The following ACP2 variants were observed in gnomAD, a reference collection of about 807,000 sequenced individuals.
ACP2 encodes the protein lysosomal acid phosphatase.
A neutral mutation model predicts 54.7 loss-of-function variants in ACP2; 35 were observed. That is an observed-to-expected ratio of 0.64 (90% CI 0.49 to 0.85). The LOEUF is 0.85. Ranked by LOEUF, ACP2 falls within the 40% of genes least tolerant of loss-of-function variation. The pLI is 0.00. For missense variants in ACP2, 492 were observed against 565.0 expected (o/e 0.87, Z 1.31); for synonymous variants, 210 against 224.4 (o/e 0.94, Z 0.57).
intron 10 of ACP2, among the ~76,000 whole-genome samples, chr11:47,240,636 G>A (rs1042430992): frequency 6.6e-6 from 1 of 152,034 alleles, no homozygotes; most frequent in Non-Finnish European, 1.5e-5. Context: ...CCTGGCCAAC[G>A]TGGTGAAATG....
intron 2 of ACP2, 30 bp from the exon 3 acceptor site, chr11:47,247,757 C>G: frequency 1.2e-6 from 2 of 1,606,996 alleles, no homozygotes; most frequent in South Asian, 2.2e-5. Flanking sequence ...TTAAGAGGGT[C>G]TAGAGGGAAG....
chr11:47,248,451 A>G (rs899261911), intron 1 of ACP2: 1 of 1,544,506 alleles, frequency 6.5e-7, no homozygotes, highest in Non-Finnish European at 8.7e-7. Flanking sequence ...AGTCTTAACC[A>G]TTCAACCACT....
intron 4 of ACP2, 50 bp downstream of exon 4, chr11:47,245,632 C>A (rs768842094): frequency 1.2e-6 from 2 of 1,613,984 alleles, no homozygotes; most frequent in South Asian, 2.2e-5. Context: ...AGCAGGCCTA[C>A]GGCCAGAGCT....
rs192977216 is a variant in ACP2, at chr11:47,239,890, G to A, written c.*226C>T. 3.0e-3 allele frequency: 1,623 copies of A among 535,594 alleles called. 11 individuals carry two copies. Among genetic ancestry groups the A allele is most frequent in the Non-Finnish European group, 3.6e-3 (1,075 of 301,714 alleles). The allele number at this position is 535,594 out of a possible 1,614,324, so 33.2% of individuals were successfully genotyped here. On this transcript the variant is annotated 3_prime_UTR_variant, in exon 11 of 11. Transcript: ENST00000672073. ...AGCGTGGAGGAGGCAAATCCTGTTTGGAGAAAGCCAGTGTCCAACACAGCA... is the reference window on the plus strand; with the variant it reads ...AGCGTGGAGGAGGCAAATCCTGTTTAGAGAAAGCCAGTGTCCAACACAGCA...
chr11:47,246,215 G>A (rs963584415), intron 3 of ACP2, among the ~76,000 whole-genome samples: 3 of 152,106 alleles, frequency 2.0e-5, no homozygotes, highest in Non-Finnish European at 2.9e-5. Context: ...CTCTCTCCCT[G>A]TCTAGATCAG....
intron 7 of ACP2, among the ~76,000 whole-genome samples, chr11:47,244,301 G>A (rs1266137626): frequency 6.6e-6 from 1 of 152,130 alleles, no homozygotes; most frequent in East Asian, 1.9e-4. Flanking sequence ...TGGTGGCTGA[G>A]GTCAGGAGTT....
chr11:47,247,540 G>A, intron 3 of ACP2, 101 bp downstream of exon 3: 1 of 1,347,732 alleles, frequency 7.4e-7, no homozygotes, highest in Non-Finnish European at 1.1e-6. Context: ...AAAAATACAA[G>A]AAGGAGGCCA....
At chr11:47,245,274 A>G (rs1954024095) in intron 6 of ACP2, 31 bp downstream of exon 6, 1 of 1,607,638 alleles carries the variant, frequency 6.2e-7, no homozygotes, top group Non-Finnish European at 8.5e-7. Flanking sequence ...AGGGAAAAGA[A>G]TGATCACAGT....
Position 47,244,867 on chromosome 11 carries a change from G to GCTGTGTATC in ACP2, c.640-9_640-1dup (p.Glu213_Gln214insAspThrGln). On this transcript the variant is annotated inframe_insertion and splice_region_variant. Transcript: ENST00000672073. ...GGCGGCAGGCGCAGCCCGTGCGTTT[G>GCTGTGTATC]CTGTGTATCGCAGCAGGCAGGTTAG... is the stretch of plus-strand genomic sequence containing the variant. The GCTGTGTATC allele has an allele frequency of 6.2e-7, 1 of 1,601,352 alleles. No homozygotes were observed. The highest frequency in any genetic ancestry group is 2.2e-5 in the East Asian group (1 of 44,566).
At chr11:47,240,684 G>A (rs889824610) in intron 10 of ACP2, among the ~76,000 whole-genome samples, 5 of 152,156 alleles carry the variant, frequency 3.3e-5, no homozygotes, top group African/African-American at 1.2e-4. Context: ...AGCTGGGCAT[G>A]GTGGTGTGCA....
intron 7 of ACP2, 32 bp from the exon 8 acceptor site, chr11:47,243,353 T>C (rs367729654): frequency 6.3e-7 from 1 of 1,585,180 alleles, no homozygotes; most frequent in South Asian, 1.1e-5. Context: ...TGTTGCTGGC[T>C]ACAGCCACCT....
rs745906259 is a variant in ACP2, at chr11:47,244,816, G to A, written c.691C>T (p.Arg231Cys). Reference protein sequence around the residue: ...PPWASPQTMQRLSRLKDFSFR... With the variant: ...PPWASPQTMQCLSRLKDFSFR... ...CTGAAGTCCTTTAGCCGGCTGAGAC[G>A]CTGCATGGTTTGGGGTGAGGCCCAG... Residue 231 changes from arginine (R) to cysteine (C), a missense_variant, in exon 7 of 11, where the codon CGT becomes TGT. Coordinates refer to ENST00000672073, the MANE Select transcript of ACP2 (RefSeq NM_001610.4). The A allele has an allele frequency of 7.4e-6, 12 of 1,612,684 alleles. No individual in the cohort carries two copies. The highest frequency in any genetic ancestry group is 5.3e-5 in the African/African-American group (4 of 74,932).
At chr11:47,245,855 G>T in intron 3 of ACP2, 21 bp from the exon 4 acceptor site, 1 of 1,338,842 alleles carries the variant, frequency 7.5e-7, no homozygotes. Flanking sequence ...AGCAACACAA[G>T]TCGTGTGTGT....
At chr11:47,247,504 A>G (rs1954205032) in intron 3 of ACP2, 137 bp downstream of exon 3, 24 of 986,730 alleles carry the variant, frequency 2.4e-5, no homozygotes. Context: ...GACAGCTCTC[A>G]GATGTCTTTT....
Position 47,240,241 on chromosome 11 carries a change from C to G in ACP2, c.1147G>C (p.Val383Leu), listed in dbSNP as rs201708521. Residue 383 changes from valine (V) to leucine (L), a missense_variant, in exon 11 of 11, where the codon GTG (valine) becomes CTG (leucine). Physicochemically the swap from Val to Leu is conservative, Grantham distance 32. Transcript: ENST00000672073. ...ASGPADTEVIVALAVCGSILF... is the reference protein window; with the variant it reads ...ASGPADTEVILALAVCGSILF... ...ATGGAGCCACATACAGCCAAGGCCA[C>G]AATCACCTCTGGGCATGGGGGAGGC... The G allele has an allele frequency of 6.6e-7, 1 of 1,508,998 alleles. No homozygotes were observed. Among genetic ancestry groups the G allele is most frequent in the African/African-American group, 1.4e-5 (1 of 72,958 alleles). 93.5% of individuals were successfully genotyped at this position (1,508,998 alleles called of 1,614,324 possible).
In ACP2 at chr11:47,240,130, C is replaced by T. The variant is rs777035434; in HGVS notation, c.1258G>A (p.Glu420Lys). Residue 420 changes from glutamate to lysine, a missense_variant, in exon 11 of 11, where the codon GAG (glutamate) becomes AAG (lysine). Transcript: ENST00000672073. ...CTGAGTGGTTGTCAGGCGTGGTCCTCCCCATCTGCGACGTGGCGGTAGCCA... is the reference window on the plus strand; with the variant it reads ...CTGAGTGGTTGTCAGGCGTGGTCCTTCCCATCTGCGACGTGGCGGTAGCCA... ...PPGYRHVADG[E>K]DHA is the part of the protein sequence containing the mutation. The T allele has an allele frequency of 1.4e-5, 22 of 1,613,756 alleles. No homozygotes were observed. Among genetic ancestry groups the T allele is most frequent in the Middle Eastern group, 3.4e-4 (2 of 5,874 alleles).
intron 10 of ACP2, 129 bp from the exon 11 acceptor site, chr11:47,240,378 AG>A: frequency 5.0e-6 from 3 of 595,522 alleles, no homozygotes; most frequent in Non-Finnish European, 3.1e-6. Context: ...TTTACATTCT[AG>A]GAGAGGGGAT....
rs1777297863 is a variant in ACP2, at chr11:47,243,319, C to T, written c.775G>A (p.Val259Ile). Residue 259 changes from valine to isoleucine, a missense_variant and splice_region_variant, in exon 8 of 11, where the codon GTC (valine) becomes ATC (isoleucine). Val to Ile is a conservative substitution (Grantham distance 29). Coordinates refer to ENST00000672073, the MANE Select transcript of ACP2 (RefSeq NM_001610.4). ...TTCTTCCTTATCTGAGCCAGCAGGA[C>T]TCCTGAAGGAGAAAAGTCCCCGGTG... Reference protein sequence around the residue: ...QAEKARLQGGVLLAQIRKNLT... With the variant: ...QAEKARLQGGILLAQIRKNLT... 2 of 1,614,014 alleles carry T rather than the reference C, an allele frequency of 1.2e-6. No homozygotes were observed. Among genetic ancestry groups the T allele is most frequent in the African/African-American group, 1.3e-5 (1 of 74,944 alleles).
chr11:47,248,073 C>A lies in ACP2; in HGVS notation c.175G>T (p.Glu59Ter). Reference protein sequence around the residue: ...KTYPKDPYQEEEWPQGFGQLT... With the variant: ...KTYPKDPYQE The stretch of plus-strand genomic sequence containing the variant: ...TGACCAAACCCCTGGGGCCATTCTT[C>A]TTCCTGATAGGGGTCCTTGGGATAT... Residue 59 changes from glutamate to a stop codon, truncating the protein, a stop_gained, in exon 2 of 11, where the codon GAA becomes TAA. Coordinates refer to ENST00000672073, the MANE Select transcript of ACP2 (RefSeq NM_001610.4). LOFTEE classifies it high-confidence loss of function. 2 of 1,610,716 alleles carry A rather than the reference C, an allele frequency of 1.2e-6. No individual in the cohort carries two copies. The highest frequency in any genetic ancestry group is 1.7e-6 in the Non-Finnish European group (2 of 1,179,094).
Sources: allele counts gnomAD v4.1 joint callset (sites outside exome capture counted in the v4.1 genomes callset), GRCh38; gene constraint gnomAD v4.1.1; transcripts MANE v1.5; gene names NCBI Gene and HGNC (gene_info 2026-07-23, HGNC 2026-07-21).